AMOTL1: variants seen among roughly 807,000 people sequenced by gnomAD.
AMOTL1 encodes the protein angiomotin-like protein 1.
Under a neutral mutation model 102.9 loss-of-function variants are expected in AMOTL1, and 45 were observed. The observed-to-expected ratio is 0.44, with a 90% confidence interval of 0.34 to 0.56. AMOTL1 has a LOEUF of 0.56. Ranked by LOEUF, AMOTL1 falls within the 20% of genes least tolerant of loss-of-function variation. AMOTL1 has a pLI of 0.01. For synonymous variants in AMOTL1, 481 were observed against 484.7 expected, an observed-to-expected ratio of 0.99 and a Z score of 0.10; for missense variants, 1,114 against 1,225.6, an observed-to-expected ratio of 0.91 and a Z score of 1.36.
chr11:94,864,943 T>C, intron 10 of AMOTL1, 83 bp downstream of exon 10: 1 of 1,479,854 alleles, frequency 6.8e-7, no homozygotes, highest in Non-Finnish European at 9.0e-7. Context: ...CTCTGTCCTG[T>C]TCTGAAAGGC....
chr11:94,842,686 T>G (rs1952331606), intron 6 of AMOTL1, among the ~76,000 whole-genome samples: 1 of 152,218 alleles, frequency 6.6e-6, no homozygotes, highest in African/African-American at 2.4e-5. Context: ...ACTAAACTAG[T>G]AGCTTTCAAA....
chr11:94,718,530 TTTTTCTACCAAAG>T (rs1950129745), intron 1 of AMOTL1, among the ~76,000 whole-genome samples: 1 of 151,980 alleles, frequency 6.6e-6, no homozygotes, highest in South Asian at 2.1e-4. Context: ...TTTTAGCATA[TTTTTCTACCAAAG>T]TTAGAGAATA....
At chr11:94,710,287 G>A (rs1013590584) in intron 1 of AMOTL1, among the ~76,000 whole-genome samples, 2 of 152,186 alleles carry the variant, frequency 1.3e-5, no homozygotes, top group African/African-American at 4.8e-5. Context: ...AAAGAGGAGG[G>A]TTTTAAACAG....
At chr11:94,837,499 A>G (rs1470135342) in intron 6 of AMOTL1, among the ~76,000 whole-genome samples, 1 of 152,228 alleles carries the variant, frequency 6.6e-6, no homozygotes, top group Non-Finnish European at 1.5e-5. Context: ...ACTGAGCCTC[A>G]CTGACTTTGG....
chr11:94,825,822 C>G lies in AMOTL1; in HGVS notation c.1413+4001C>G, dbSNP rs943399265. 4.1e-4 allele frequency among the ~76,000 whole-genome samples: 62 copies of G among 152,304 alleles called. 1 individual carries two copies. The highest frequency in any genetic ancestry group is 3.5e-3 in the Admixed American group (54 of 15,302). On this transcript the variant is annotated intron_variant, in intron 4 of 12. Transcript: ENST00000433060. ...AATAAAAAGCTTTAGTTTTAAAATT[C>G]TTAAAATGAGTCTACTTCAACTTCC... is the stretch of plus-strand genomic sequence containing the variant.
chr11:94,711,013 TC>T (rs1279916796), intron 1 of AMOTL1, among the ~76,000 whole-genome samples: 1 of 152,158 alleles, frequency 6.6e-6, no homozygotes, highest in African/African-American at 2.4e-5. Context: ...CCCAAGGTAC[TC>T]CAAACATTTT....
At chr11:94,726,629 G>A (rs1950264378) in intron 1 of AMOTL1, among the ~76,000 whole-genome samples, 1 of 152,104 alleles carries the variant, frequency 6.6e-6, no homozygotes, top group Non-Finnish European at 1.5e-5. Flanking sequence ...AATTCTCAAG[G>A]TTGCATTACA....
chr11:94,776,419 C>G (rs1428293398), intron 1 of AMOTL1, among the ~76,000 whole-genome samples: 1 of 152,224 alleles, frequency 6.6e-6, no homozygotes, highest in Non-Finnish European at 1.5e-5. Context: ...GATAGCCACT[C>G]ACATAACAGG....
intron 2 of AMOTL1, among the ~76,000 whole-genome samples, chr11:94,734,974 G>A (rs1299264976): frequency 6.6e-6 from 1 of 152,172 alleles, no homozygotes; most frequent in Non-Finnish European, 1.5e-5. Context: ...AGCATCATTT[G>A]GCTGGATAAA....
intron 10 of AMOTL1, among the ~76,000 whole-genome samples, chr11:94,865,188 G>C (rs1329126014): frequency 6.6e-6 from 1 of 152,126 alleles, no homozygotes; most frequent in Non-Finnish European, 1.5e-5. Flanking sequence ...TGAGCTGAAA[G>C]GGGGAAACAT....
intron 3 of AMOTL1, among the ~76,000 whole-genome samples, chr11:94,741,211 T>C (rs1035057019): frequency 1.5e-4 from 23 of 151,812 alleles, no homozygotes; most frequent in African/African-American, 5.1e-4. Context: ...CGTGCGTGTG[T>C]GTGTGTGTGC....
Position 94,850,220 on chromosome 11 carries a change from G to A in AMOTL1, c.1755G>A (p.Leu585=), listed in dbSNP as rs189655310. The change falls in exon 7 of 13, where the codon TTG becomes TTA. Residue 585 remains leucine, a synonymous_variant. Transcript: ENST00000433060. ...ACATCGAGATCCTGGACCAGGCTTT[G>A]AGCAACGCCCAGGCCAGGGTCATCA... The part of the protein sequence containing the change: ...RRHIEILDQA[L]SNAQARVIKL... The A allele has an allele frequency of 2.5e-4, 398 of 1,596,052 alleles. 2 individuals are homozygous for A. In the African/African-American group the frequency reaches 4.9e-3, roughly 20 times the overall value.
At chr11:94,866,297 G>C (rs1952882045) in intron 11 of AMOTL1, 129 bp downstream of exon 11, 1 of 899,086 alleles carries the variant, frequency 1.1e-6, no homozygotes, top group Admixed American at 2.5e-5. Flanking sequence ...GAAGTGGGGA[G>C]GGAAATCAGT....
intron 4 of AMOTL1, among the ~76,000 whole-genome samples, chr11:94,825,163 G>A (rs1217196732): frequency 6.6e-6 from 1 of 152,188 alleles, no homozygotes; most frequent in East Asian, 1.9e-4. Flanking sequence ...GGGCCAGACT[G>A]TGGGCTGTTG....
chr11:94,786,904 T>G (rs1004440928), intron 1 of AMOTL1, among the ~76,000 whole-genome samples: 3 of 152,226 alleles, frequency 2.0e-5, no homozygotes, highest in African/African-American at 4.8e-5. Flanking sequence ...CAGAAACTCT[T>G]CGGTACTAGG....
intron 11 of AMOTL1, among the ~76,000 whole-genome samples, chr11:94,867,079 G>A (rs927252530): frequency 3.9e-5 from 6 of 152,066 alleles, no homozygotes; most frequent in African/African-American, 1.4e-4. Flanking sequence ...GTTTCTCTGT[G>A]CAGCTGAGAG....
Position 94,843,245 on chromosome 11 carries a change from T to C in AMOTL1, c.1649-6869T>C, listed in dbSNP as rs1952343074. Among the ~76,000 whole-genome samples the C allele has an allele frequency of 1.3e-5, 2 of 152,252 alleles. 1 individual carries two copies. The highest frequency in any genetic ancestry group is 4.8e-5 in the African/African-American group (2 of 41,468). ...GCTTTAAAAAGTAGATCGTGTTTCA[T>C]GTTGTTTTGCATCAAATAAGCCTCA... On this transcript the variant is annotated intron_variant, in intron 6 of 12. Transcript: ENST00000433060.
At chr11:94,743,386 G>A (rs1950551641) in intron 3 of AMOTL1, among the ~76,000 whole-genome samples, 1 of 152,132 alleles carries the variant, frequency 6.6e-6, no homozygotes, top group Non-Finnish European at 1.5e-5. Context: ...TCCATGACAG[G>A]GCAGCTCTCT....
intron 3 of AMOTL1, among the ~76,000 whole-genome samples, chr11:94,814,533 A>G (rs1317634102): frequency 6.6e-6 from 1 of 152,224 alleles, no homozygotes; most frequent in Non-Finnish European, 1.5e-5. Flanking sequence ...GGAGTGTCAG[A>G]AGGGAACAGG....
Sources: gnomAD v4.1 joint callset for allele counts (sites outside exome capture counted in the v4.1 genomes callset) on GRCh38, gnomAD v4.1.1 for gene constraint, MANE v1.5 for transcripts, NCBI Gene and HGNC (gene_info 2026-07-23, HGNC 2026-07-21) for gene names.